The following XKR6 variants were observed in gnomAD, a reference collection of about 807,000 sequenced individuals.
XKR6 encodes XK related 6.
XKR6 carries 22 observed loss-of-function variants against 56.7 expected under a neutral mutation model. The observed-to-expected ratio is 0.39, with a 90% confidence interval of 0.28 to 0.55. XKR6 has a LOEUF of 0.55. Ranked by LOEUF, XKR6 falls within the 20% of genes least tolerant of loss-of-function variation. The pLI is 0.66. For synonymous variants in XKR6, 524 were observed against 387.8 expected (o/e 1.35, Z -4.13); for missense variants, 852 against 889.0 (o/e 0.96, Z 0.53).
intron 1 of XKR6, among the ~76,000 whole-genome samples, chr8:11,040,890 G>C (rs931536356): frequency 1.3e-5 from 2 of 152,296 alleles, no homozygotes; most frequent in Middle Eastern, 3.4e-3. Context: ...GGGCAACTCA[G>C]GGAAAACCAA....
At chr8:10,985,593 T>C (rs1282131300) in intron 1 of XKR6, among the ~76,000 whole-genome samples, 2 of 127,044 alleles carry the variant, frequency 1.6e-5, no homozygotes, top group African/African-American at 3.3e-5. Context: ...TACCATCTTT[T>C]GGTTAAAAAA....
At chr8:11,196,709 T>C (rs1201192567) in intron 1 of XKR6, among the ~76,000 whole-genome samples, 1 of 152,270 alleles carries the variant, frequency 6.6e-6, no homozygotes, top group Non-Finnish European at 1.5e-5. Flanking sequence ...TGATCACTTG[T>C]GGTTCTTCTA....
intron 1 of XKR6, chr8:11,123,516 G>C (rs1200562260): frequency 8.6e-6 from 2 of 231,492 alleles, no homozygotes; most frequent in Non-Finnish European, 1.7e-5. Flanking sequence ...ACAATGTGAA[G>C]CCTGACAAAG....
At chr8:11,134,147 T>A (rs1800260431) in intron 1 of XKR6, among the ~76,000 whole-genome samples, 2 of 152,088 alleles carry the variant, frequency 1.3e-5, no homozygotes, top group South Asian at 4.1e-4. Context: ...ACAGCCAAGC[T>A]TCCCTTCCTT....
intron 1 of XKR6, among the ~76,000 whole-genome samples, chr8:11,085,441 T>C (rs1797853996): frequency 6.7e-6 from 1 of 149,290 alleles, no homozygotes; most frequent in Non-Finnish European, 1.5e-5. Context: ...GTGAAAGAGG[T>C]GTGTGTGTGT....
intron 1 of XKR6, among the ~76,000 whole-genome samples, chr8:10,990,933 C>G (rs911355949): frequency 4.2e-5 from 5 of 118,866 alleles, no homozygotes; most frequent in African/African-American, 1.7e-4. Context: ...GACAGAGTCT[C>G]ACTTGGTCAC....
intron 1 of XKR6, among the ~76,000 whole-genome samples, chr8:11,007,273 G>C (rs1586423911): frequency 6.6e-6 from 1 of 152,144 alleles, no homozygotes; most frequent in South Asian, 2.1e-4. Context: ...CCAGTGTCTT[G>C]TCATGTATGA....
intron 1 of XKR6, among the ~76,000 whole-genome samples, chr8:11,161,474 C>A (rs1187290774): frequency 6.6e-6 from 1 of 152,210 alleles, no homozygotes. Flanking sequence ...CCATAACTTG[C>A]ATCTCACAAA....
intron 1 of XKR6, among the ~76,000 whole-genome samples, chr8:10,961,788 C>A (rs985054670): frequency 3.3e-5 from 5 of 152,196 alleles, no homozygotes; most frequent in African/African-American, 1.2e-4. Context: ...CACAGTTGTC[C>A]AGTTCTTATG....
In XKR6 at chr8:10,920,760, C is replaced by T. The variant is rs182829774; in HGVS notation, c.961+3874G>A. The stretch of plus-strand genomic sequence containing the variant: ...AGTGATGGCTAGTGTCCTTCCTTCC[C>T]GTAAACCCAGCTGATGCTATAGCCT... On this transcript the variant is annotated intron_variant, in intron 2 of 2. Coordinates refer to ENST00000416569, the MANE Select transcript of XKR6 (RefSeq NM_173683.4). Among the ~76,000 whole-genome samples, 741 of 152,356 alleles carry T rather than the reference C, an allele frequency of 4.9e-3. 3 individuals carry two copies. Among genetic ancestry groups the T allele is most frequent in the Non-Finnish European group, 5.2e-3 (351 of 68,030 alleles).
rs983167908 is a variant in XKR6, at chr8:11,144,621, C to A, written c.764+55955G>T. ...CAGTTACCTGTGGGTAACTGTCCTC[C>A]CTCACTCAGGCAGATACCTCGATAT... On this transcript the variant is annotated intron_variant, in intron 1 of 2. Coordinates refer to ENST00000416569, the MANE Select transcript of XKR6 (RefSeq NM_173683.4). Among the ~76,000 whole-genome samples, 6 of 152,120 alleles carry A rather than the reference C, an allele frequency of 3.9e-5. 1 individual carries two copies. The South Asian group carries it at 1.2e-3, about 32-fold the overall frequency.
chr8:10,961,026 C>G (rs1164613430), intron 1 of XKR6, among the ~76,000 whole-genome samples: 3 of 152,000 alleles, frequency 2.0e-5, no homozygotes, highest in Non-Finnish European at 1.5e-5. Flanking sequence ...ACCAGCCAGG[C>G]AAAGATCGAG....
chr8:11,111,631 A>G (rs1360829324), intron 1 of XKR6: 1 of 152,202 alleles, frequency 6.6e-6, no homozygotes, highest in African/African-American at 2.4e-5. Context: ...GGTTCATAAG[A>G]ACCCCAAAAC....
At chr8:11,025,037 A>G (rs943488582) in intron 1 of XKR6, among the ~76,000 whole-genome samples, 6 of 152,204 alleles carry the variant, frequency 3.9e-5, no homozygotes, top group African/African-American at 1.4e-4. Context: ...TGATCCAGGA[A>G]GTGAGCAGTG....
intron 1 of XKR6, among the ~76,000 whole-genome samples, chr8:11,050,586 A>AAG (rs1491323062): frequency 1.5e-5 from 2 of 130,092 alleles, no homozygotes; most frequent in African/African-American, 5.4e-5. Flanking sequence ...AAAAAAAAAA[A>AAG]AGAGAGAGAG....
intron 1 of XKR6, among the ~76,000 whole-genome samples, chr8:11,097,378 A>G (rs911212279): frequency 5.9e-5 from 9 of 152,206 alleles, no homozygotes; most frequent in Non-Finnish European, 1.3e-4. Flanking sequence ...CTTGGGTTCC[A>G]GCATAAACTT....
chr8:11,119,541 T>A (rs975106076), intron 1 of XKR6, among the ~76,000 whole-genome samples: 5 of 152,232 alleles, frequency 3.3e-5, no homozygotes, highest in African/African-American at 1.2e-4. Flanking sequence ...TCTTGTTGAA[T>A]TGATCCCTTT....
intron 1 of XKR6, among the ~76,000 whole-genome samples, chr8:11,127,507 G>C (rs1165777249): frequency 6.6e-6 from 1 of 152,188 alleles, no homozygotes; most frequent in East Asian, 1.9e-4. Flanking sequence ...GGAGACTCTA[G>C]AGAAGAATCC....
chr8:10,995,423 A>G (rs908034399), intron 1 of XKR6, among the ~76,000 whole-genome samples: 2 of 147,760 alleles, frequency 1.4e-5, no homozygotes, highest in Non-Finnish European at 3.0e-5. Context: ...TATATTTACT[A>G]TATCTACTAT....
Sources: allele counts gnomAD v4.1 joint callset (sites outside exome capture counted in the v4.1 genomes callset), GRCh38; gene constraint gnomAD v4.1.1; transcripts MANE v1.5; gene names NCBI Gene and HGNC (gene_info 2026-07-23, HGNC 2026-07-21).